Variants in MECOM observed in about 807,000 individuals in gnomAD.
MECOM encodes the protein MDS1 and EVI1 complex locus.
MECOM carries 13 observed loss-of-function variants against 116.3 expected under a neutral mutation model. The ratio of observed to expected loss-of-function variants is 0.11; its 90% CI spans 0.07 to 0.18. The LOEUF (loss-of-function observed/expected upper bound fraction) is 0.18, where lower values mean the gene tolerates loss of function less well. Among genes scored for constraint, MECOM ranks in the 10% least tolerant of loss-of-function variants. The pLI is 1.00. For synonymous variants in MECOM, 528 were observed against 535.2 expected (o/e 0.99, Z 0.19); for missense variants, 1,299 against 1,509.0 (o/e 0.86, Z 2.31).
At chr3:169,551,964 T>C (rs904494759) in intron 1 of MECOM, among the ~76,000 whole-genome samples, 1 of 152,106 alleles carries the variant, frequency 6.6e-6, no homozygotes, top group Non-Finnish European at 1.5e-5. Context: ...AAATGCTACA[T>C]ACTGTGTGAT....
At chr3:169,331,680 A>G (rs1383205793) in intron 2 of MECOM, among the ~76,000 whole-genome samples, 1 of 152,172 alleles carries the variant, frequency 6.6e-6, no homozygotes, top group Non-Finnish European at 1.5e-5. Context: ...AGGATGAACC[A>G]CATAAATTGA....
chr3:169,116,596 ACCT>A lies in MECOM; in HGVS notation c.1273_1275del (p.Arg425del), dbSNP rs1226668746. On this transcript the variant is annotated inframe_deletion, in exon 8 of 17. Coordinates refer to ENST00000651503, the MANE Select transcript of MECOM (RefSeq NM_004991.4). ...GCAAAATGGTTCTTGCCCTCACAAA[ACCT>A]CCTGTGTTTATTTAAGGAAGACGTA... 6.2e-7 allele frequency: 1 copy of A among 1,613,748 alleles called. No homozygotes were observed. The highest frequency in any genetic ancestry group is 1.7e-5 in the Admixed American group (1 of 59,972).
intron 2 of MECOM, among the ~76,000 whole-genome samples, chr3:169,273,325 T>C (rs1229445343): frequency 6.6e-6 from 1 of 152,202 alleles, no homozygotes; most frequent in African/African-American, 2.4e-5. Context: ...TAGTTCAAAA[T>C]GTTAAAGCCA....
chr3:169,467,612 T>C (rs1209524634), intron 1 of MECOM, among the ~76,000 whole-genome samples: 2 of 152,194 alleles, frequency 1.3e-5, no homozygotes, highest in Non-Finnish European at 2.9e-5. Flanking sequence ...GATTTAGAAA[T>C]TAATCCTTCA....
intron 2 of MECOM, among the ~76,000 whole-genome samples, chr3:169,281,851 A>G (rs1256725609): frequency 6.6e-6 from 1 of 152,148 alleles, no homozygotes; most frequent in Non-Finnish European, 1.5e-5. Context: ...TTGAACCGTA[A>G]ATATGGAAGT....
intron 1 of MECOM, among the ~76,000 whole-genome samples, chr3:169,583,421 A>C (rs1212969424): frequency 6.6e-6 from 1 of 152,150 alleles, no homozygotes; most frequent in Non-Finnish European, 1.5e-5. Flanking sequence ...AAATCCAAAC[A>C]ACTAACAAAG....
In MECOM at chr3:169,592,749, C is replaced by T. The variant is rs76286799; in HGVS notation, c.37+70587G>A. On this transcript the variant is annotated intron_variant, in intron 1 of 16. Transcript: ENST00000651503. ...TCTTAGAGTCCCTTGCCATGCCCTC[C>T]ATCTCAATTAGGGCACTTAAAGCCA... Among the ~76,000 whole-genome samples, 396 of 152,272 alleles carry T rather than the reference C, an allele frequency of 2.6e-3. 3 individuals carry two copies. Among genetic ancestry groups the T allele is most frequent in the African/African-American group, 9.0e-3 (375 of 41,548 alleles).
At chr3:169,260,917 G>T (rs979433646) in intron 2 of MECOM, among the ~76,000 whole-genome samples, 4 of 152,150 alleles carry the variant, frequency 2.6e-5, no homozygotes, top group African/African-American at 9.7e-5. Flanking sequence ...ATGAAATCAT[G>T]GCATTTATCG....
At chr3:169,110,396 C>T (rs1726950360) in intron 9 of MECOM, among the ~76,000 whole-genome samples, 1 of 152,142 alleles carries the variant, frequency 6.6e-6, no homozygotes, top group African/African-American at 2.4e-5. Flanking sequence ...ATGTTGCGTA[C>T]ATAAATGCCA....
At chr3:169,565,323 T>A (rs1763106788) in intron 1 of MECOM, among the ~76,000 whole-genome samples, 1 of 152,110 alleles carries the variant, frequency 6.6e-6, no homozygotes, top group African/African-American at 2.4e-5. Context: ...AAAGCCCAAA[T>A]GCAATGTGAG....
At chr3:169,466,908 A>G (rs1308959262) in intron 1 of MECOM, 1 of 152,220 alleles carries the variant, frequency 6.6e-6, no homozygotes, top group African/African-American at 2.4e-5. Flanking sequence ...GTTTTAATGA[A>G]ATATTAAAAT....
intron 1 of MECOM, among the ~76,000 whole-genome samples, chr3:169,424,777 G>A (rs1740354836): frequency 6.6e-6 from 1 of 152,046 alleles, no homozygotes; most frequent in South Asian, 2.1e-4. Context: ...ATATCCTACA[G>A]ATTCCAGAGG....
chr3:169,333,895 TCCTCCCTC>T (rs1185717730), intron 2 of MECOM, among the ~76,000 whole-genome samples: 1 of 148,048 alleles, frequency 6.8e-6, no homozygotes, highest in Non-Finnish European at 1.5e-5. Context: ...CTTCCTTCCT[TCCTCCCTC>T]CCTCCCTCCC....
chr3:169,399,724 A>T (rs748302752), intron 1 of MECOM, among the ~76,000 whole-genome samples: 5 of 152,140 alleles, frequency 3.3e-5, no homozygotes, highest in Admixed American at 6.5e-5. Flanking sequence ...GTTTTGTTTT[A>T]TGTTTTTGTG....
chr3:169,580,915 T>C (rs1200560540), intron 1 of MECOM, among the ~76,000 whole-genome samples: 1 of 152,214 alleles, frequency 6.6e-6, no homozygotes, highest in Non-Finnish European at 1.5e-5. Context: ...ACTGGAAATA[T>C]CTGTTCATCA....
At chr3:169,288,083 A>G (rs1419979221) in intron 2 of MECOM, among the ~76,000 whole-genome samples, 1 of 152,220 alleles carries the variant, frequency 6.6e-6, no homozygotes, top group African/African-American at 2.4e-5. Context: ...CAGTGGTGAT[A>G]TAAAACAGTA....
intron 2 of MECOM, among the ~76,000 whole-genome samples, chr3:169,283,444 T>C (rs773401733): frequency 1.3e-5 from 2 of 151,790 alleles, no homozygotes; most frequent in Non-Finnish European, 2.9e-5. Context: ...ATTTGTATAA[T>C]AAGAAAAAAA....
intron 1 of MECOM, among the ~76,000 whole-genome samples, chr3:169,644,468 G>A (rs1773904151): frequency 6.6e-6 from 1 of 152,026 alleles, no homozygotes; most frequent in Non-Finnish European, 1.5e-5. Flanking sequence ...TGTTGGCCAG[G>A]CTGGTCTCAA....
intron 1 of MECOM, among the ~76,000 whole-genome samples, chr3:169,462,658 T>C (rs1021778532): frequency 1.1e-4 from 17 of 152,186 alleles, no homozygotes; most frequent in Admixed American, 3.9e-4. Context: ...CTGGAAAACA[T>C]CCTTACGAAA....
Sources: allele counts gnomAD v4.1 joint callset (sites outside exome capture counted in the v4.1 genomes callset), GRCh38; gene constraint gnomAD v4.1.1; transcripts MANE v1.5; gene names NCBI Gene and HGNC (gene_info 2026-07-23, HGNC 2026-07-21).